The following SYT16 variants were observed in gnomAD, a reference collection of about 807,000 sequenced individuals.
The protein encoded by SYT16 is synaptotagmin-16.
A neutral mutation model predicts 61.4 loss-of-function variants in SYT16; 42 were observed. That is an observed-to-expected ratio of 0.68 (90% CI 0.53 to 0.89). The LOEUF (loss-of-function observed/expected upper bound fraction) is 0.89, where lower values mean the gene tolerates loss of function less well. SYT16 is among the 40% of genes least tolerant of loss of function. The probability of loss-of-function intolerance (pLI) is 0.00; values close to 1 mark genes in which losing one functional copy is unlikely to be tolerated. For synonymous variants in SYT16, 314 were observed against 302.3 expected (o/e 1.04, Z -0.40); for missense variants, 804 against 807.3 (o/e 1.00, Z 0.05).
intron 1 of SYT16, among the ~76,000 whole-genome samples, chr14:61,940,340 T>TA (rs1032369071): frequency 2.0e-5 from 3 of 152,148 alleles, no homozygotes; most frequent in African/African-American, 7.2e-5. Flanking sequence ...GATTTGAGAC[T>TA]AAATGGCTCT....
In SYT16 at chr14:61,814,833, C is replaced by T. The variant is rs1224900143; in HGVS notation, c.-325+2023C>T. 2.0e-5 allele frequency among the ~76,000 whole-genome samples: 3 copies of T among 152,204 alleles called. No homozygotes were observed. The East Asian group carries it at 5.8e-4, about 29-fold the overall frequency. On this transcript the variant is annotated intron_variant, in intron 1 of 7. Transcript: ENST00000683842. Reference sequence around the variant, plus strand: ...AAAAGGGAGAGAAGGAAAGTATTCTCAGTCAGTGTCTTGAAAAATTTCCCG... The same window carrying T: ...AAAAGGGAGAGAAGGAAAGTATTCTTAGTCAGTGTCTTGAAAAATTTCCCG...
intron 2 of SYT16, among the ~76,000 whole-genome samples, chr14:61,984,808 A>T (rs1372990885): frequency 6.6e-6 from 1 of 152,170 alleles, no homozygotes; most frequent in Non-Finnish European, 1.5e-5. Context: ...TCACACATGT[A>T]TGTAGAATTA....
At position 61,906,989 on chromosome 14, in the gene SYT16, T is replaced by C. The variant is rs141179135; in HGVS notation, c.-324-63143T>C. 7.2e-3 allele frequency among the ~76,000 whole-genome samples: 1,091 copies of C among 152,254 alleles called. 8 individuals are homozygous for C. The highest frequency in any genetic ancestry group is 0.011 in the Non-Finnish European group (720 of 67,952). ...AAATTACTGTTTTAAATGCCTGTTA[T>C]TCATACCCTGTGCTAGAAGTTATGA... On this transcript the variant is annotated intron_variant, in intron 1 of 7. Coordinates refer to ENST00000683842, the MANE Select transcript of SYT16 (RefSeq NM_001367656.1).
At chr14:61,920,062 C>T (rs905507173) in intron 1 of SYT16, among the ~76,000 whole-genome samples, 3 of 152,274 alleles carry the variant, frequency 2.0e-5, no homozygotes, top group Middle Eastern at 3.4e-3. Flanking sequence ...CCAGGCCCCC[C>T]GACATACACA....
chr14:61,979,663 CACG>C (rs1174671697), intron 2 of SYT16, among the ~76,000 whole-genome samples: 2 of 152,160 alleles, frequency 1.3e-5, no homozygotes, highest in Non-Finnish European at 2.9e-5. Flanking sequence ...GCGGGTGGAT[CACG>C]AGGTCAAGAG....
intron 2 of SYT16, among the ~76,000 whole-genome samples, chr14:61,991,632 T>C (rs2052553059): frequency 6.6e-6 from 1 of 152,172 alleles, no homozygotes. Flanking sequence ...CATTTCTTTT[T>C]GAGTATTTTA....
intron 1 of SYT16, among the ~76,000 whole-genome samples, chr14:61,833,706 C>CTTTTTTTTT (rs11357318): frequency 2.1e-4 from 10 of 48,326 alleles, no homozygotes; most frequent in African/African-American, 2.7e-4. Context: ...CCAGCAGTGG[C>CTTTTTTTTT]TTTTTTTTTT....
chr14:62,029,967 T>A (rs1241570348), intron 3 of SYT16, among the ~76,000 whole-genome samples: 1 of 152,188 alleles, frequency 6.6e-6, no homozygotes, highest in Non-Finnish European at 1.5e-5. Flanking sequence ...CTGATTTTTT[T>A]TCTTTTGGAA....
Position 62,101,395 on chromosome 14 carries a change from T to C in SYT16, c.*688T>C, listed in dbSNP as rs912376573. 2.0e-5 allele frequency: 3 copies of C among 152,162 alleles called. No homozygotes were observed. Among genetic ancestry groups the C allele is most frequent in the African/African-American group, 7.2e-5 (3 of 41,446 alleles). 9.4% of individuals were successfully genotyped at this position (152,162 alleles called of 1,614,324 possible). On this transcript the variant is annotated 3_prime_UTR_variant, in exon 8 of 8. Coordinates refer to ENST00000683842, the MANE Select transcript of SYT16 (RefSeq NM_001367656.1). ...GAAACTACTGTTTTAAGACAACTTG[T>C]CTCCTTTTGAATATGTAAGATTTCA...
intron 1 of SYT16, among the ~76,000 whole-genome samples, chr14:61,870,211 C>G (rs1274485091): frequency 6.6e-6 from 1 of 152,096 alleles, no homozygotes; most frequent in Non-Finnish European, 1.5e-5. Flanking sequence ...TATTTACTTT[C>G]ATTTTTGAAG....
chr14:61,954,972 T>C (rs990533672), intron 1 of SYT16, among the ~76,000 whole-genome samples: 3 of 150,698 alleles, frequency 2.0e-5, no homozygotes, highest in African/African-American at 7.5e-5. Flanking sequence ...ATTTAAAACT[T>C]TTTTTGAGAT....
At chr14:61,915,904 T>C (rs2049104179) in intron 1 of SYT16, among the ~76,000 whole-genome samples, 1 of 152,214 alleles carries the variant, frequency 6.6e-6, no homozygotes, top group Non-Finnish European at 1.5e-5. Context: ...ATATAGTCTT[T>C]GCCAAAGATG....
At chr14:61,849,924 T>G (rs1005072439) in intron 1 of SYT16, among the ~76,000 whole-genome samples, 4 of 152,194 alleles carry the variant, frequency 2.6e-5, no homozygotes, top group Admixed American at 2.0e-4. Flanking sequence ...GGTATCTTTT[T>G]GATATGATGA....
chr14:62,073,426 G>A (rs1224666867), intron 4 of SYT16, among the ~76,000 whole-genome samples: 1 of 152,110 alleles, frequency 6.6e-6, no homozygotes, highest in Non-Finnish European at 1.5e-5. Context: ...AGAAAATCCT[G>A]CTTTATGTTG....
rs147785688 is a variant in SYT16 at position 62,061,598 on chromosome 14, C to T, written c.524-8005C>T. The stretch of plus-strand genomic sequence containing the variant: ...GAGCATAAGGAAGCTAGTGCAGTTA[C>T]ATTAATATCAGACAAAGTAGACTTC... On this transcript the variant is annotated intron_variant, in intron 3 of 7. Coordinates refer to ENST00000683842, the MANE Select transcript of SYT16 (RefSeq NM_001367656.1). 5.9e-4 allele frequency among the ~76,000 whole-genome samples: 89 copies of T among 152,120 alleles called. 1 individual carries two copies. The East Asian group carries it at 0.013, about 22-fold the overall frequency.
intron 1 of SYT16, among the ~76,000 whole-genome samples, chr14:61,968,215 C>A (rs772131821): frequency 1.3e-5 from 2 of 151,950 alleles, no homozygotes; most frequent in African/African-American, 4.8e-5. Context: ...GAGCCAGGAT[C>A]GCGCCACTGC....
chr14:61,897,872 CCTT>C (rs1368987590), intron 1 of SYT16, among the ~76,000 whole-genome samples: 1 of 152,114 alleles, frequency 6.6e-6, no homozygotes, highest in Non-Finnish European at 1.5e-5. Context: ...GGTCTTCTGT[CCTT>C]CTTGAGCCCG....
chr14:62,042,175 C>CT (rs994038973), intron 3 of SYT16, among the ~76,000 whole-genome samples: 2 of 151,214 alleles, frequency 1.3e-5, no homozygotes, highest in African/African-American at 2.4e-5. Flanking sequence ...TTTTCTTTTG[C>CT]TTTTTTTTGT....
intron 1 of SYT16, among the ~76,000 whole-genome samples, chr14:61,834,428 CTT>C (rs35260303): frequency 2.6e-5 from 2 of 76,850 alleles, no homozygotes; most frequent in East Asian, 3.4e-4. Context: ...CCGTGCCTGG[CTT>C]TTTTTTTTTT....
Sources: allele counts gnomAD v4.1 joint callset (sites outside exome capture counted in the v4.1 genomes callset), GRCh38; gene constraint gnomAD v4.1.1; transcripts MANE v1.5; gene names NCBI Gene and HGNC (gene_info 2026-07-23, HGNC 2026-07-21).